Variants in XYLT1 observed in about 807,000 individuals in gnomAD.
The protein encoded by XYLT1 is xylosyltransferase 1.
In XYLT1, 36 loss-of-function variants were observed where a neutral mutation model predicts 91.3. That is an observed-to-expected ratio of 0.39 (90% CI 0.30 to 0.52). XYLT1 has a LOEUF of 0.52. Ranked by LOEUF, XYLT1 falls within the 20% of genes least tolerant of loss-of-function variation. XYLT1 has a pLI of 0.68. For missense variants in XYLT1, 1,242 were observed against 1,284.5 expected, an observed-to-expected ratio of 0.97 and a Z score of 0.51; for synonymous variants, 588 against 532.0, an observed-to-expected ratio of 1.11 and a Z score of -1.45.
intron 1 of XYLT1, among the ~76,000 whole-genome samples, chr16:17,439,010 T>A (rs768132233): frequency 3.0e-4 from 45 of 152,152 alleles, no homozygotes; most frequent in Admixed American, 6.5e-4. Context: ...CATTTATAAA[T>A]TAGATCTGAT....
chr16:17,318,583 G>A (rs1269352912), intron 2 of XYLT1, among the ~76,000 whole-genome samples: 1 of 152,202 alleles, frequency 6.6e-6, no homozygotes. Flanking sequence ...GCAACGTCAT[G>A]CAATCCTGGG....
intron 11 of XYLT1, among the ~76,000 whole-genome samples, chr16:17,116,190 G>A (rs1436284814): frequency 6.6e-6 from 1 of 152,114 alleles, no homozygotes; most frequent in Non-Finnish European, 1.5e-5. Flanking sequence ...TTAATAAAAG[G>A]AGGTGAAAAG....
chr16:17,451,070 CAG>C (rs1209485061), intron 1 of XYLT1, among the ~76,000 whole-genome samples: 1 of 152,194 alleles, frequency 6.6e-6, no homozygotes, highest in African/African-American at 2.4e-5. Flanking sequence ...GGTTGTTGGA[CAG>C]AGTGATTTTT....
intron 1 of XYLT1, among the ~76,000 whole-genome samples, chr16:17,429,361 A>G (rs1031260922): frequency 1.3e-5 from 2 of 152,230 alleles, no homozygotes; most frequent in African/African-American, 2.4e-5. Flanking sequence ...GACAGCAATA[A>G]AATCACTGGC....
At chr16:17,295,728 T>C (rs755230999) in intron 2 of XYLT1, among the ~76,000 whole-genome samples, 83 of 152,180 alleles carry the variant, frequency 5.5e-4, no homozygotes, top group Non-Finnish European at 2.6e-4. Context: ...GACATTTTTG[T>C]TGTCACACTT....
At chr16:17,243,654 C>T (rs1017036699) in intron 3 of XYLT1, among the ~76,000 whole-genome samples, 1 of 152,198 alleles carries the variant, frequency 6.6e-6, no homozygotes, top group Non-Finnish European at 1.5e-5. Context: ...CCGACCGACT[C>T]AAGCTTTCAC....
intron 3 of XYLT1, among the ~76,000 whole-genome samples, chr16:17,247,366 C>T (rs943340053): frequency 3.9e-5 from 6 of 152,136 alleles, no homozygotes; most frequent in Non-Finnish European, 1.5e-5. Context: ...GGCAAGAACT[C>T]ATGGAACGCC....
At chr16:17,368,775 G>A (rs1451299799) in intron 1 of XYLT1, among the ~76,000 whole-genome samples, 1 of 151,950 alleles carries the variant, frequency 6.6e-6, no homozygotes, top group Admixed American at 6.6e-5. Context: ...GTAGAGATGG[G>A]GTCTTCCTAT....
chr16:17,385,493 C>A (rs114164494), intron 1 of XYLT1, among the ~76,000 whole-genome samples: 1 of 151,858 alleles, frequency 6.6e-6, no homozygotes, highest in Non-Finnish European at 1.5e-5. Context: ...TGGCACCCAA[C>A]GAGCCCTTCC....
intron 1 of XYLT1, among the ~76,000 whole-genome samples, chr16:17,373,299 T>G (rs1265589327): frequency 1.3e-5 from 2 of 152,278 alleles, no homozygotes; most frequent in East Asian, 1.9e-4. Flanking sequence ...GCGTCTACAG[T>G]GCTCGGGCCA....
At chr16:17,164,065 A>AAAAAAAG in intron 5 of XYLT1, among the ~76,000 whole-genome samples, 1 of 146,448 alleles carries the variant, frequency 6.8e-6, no homozygotes, top group Non-Finnish European at 1.5e-5. Flanking sequence ...AAAAAAAAAA[A>AAAAAAAG]AAAAGAAAGA....
intron 3 of XYLT1, among the ~76,000 whole-genome samples, chr16:17,203,067 T>G (rs965299378): frequency 2.0e-5 from 3 of 152,210 alleles, no homozygotes; most frequent in African/African-American, 7.2e-5. Flanking sequence ...AAGGTCACAC[T>G]GCTTTAATTA....
intron 5 of XYLT1, among the ~76,000 whole-genome samples, chr16:17,168,215 G>C (rs763392603): frequency 6.6e-6 from 1 of 152,200 alleles, no homozygotes; most frequent in Non-Finnish European, 1.5e-5. Context: ...TGGTGAACTG[G>C]ATAAGGAAGA....
At chr16:17,161,677 G>GCGCTCTCTCT (rs1555484022) in intron 5 of XYLT1, among the ~76,000 whole-genome samples, 1 of 148,896 alleles carries the variant, frequency 6.7e-6, no homozygotes, top group Non-Finnish European at 1.5e-5. Flanking sequence ...TTTCTCGCGC[G>GCGCTCTCTCT]CTCTCTCTCT....
chr16:17,248,017 G>A (rs916963630), intron 3 of XYLT1, among the ~76,000 whole-genome samples: 2 of 152,088 alleles, frequency 1.3e-5, no homozygotes, highest in Non-Finnish European at 2.9e-5. Flanking sequence ...CCTTACCTTT[G>A]GGGCTGATAT....
chr16:17,422,841 A>G (rs143700156), intron 1 of XYLT1, among the ~76,000 whole-genome samples: 1 of 152,190 alleles, frequency 6.6e-6, no homozygotes, highest in African/African-American at 2.4e-5. Context: ...ATTGAAACAC[A>G]AGTTAGATCT....
At chr16:17,328,618 G>T (rs1040199470) in intron 2 of XYLT1, among the ~76,000 whole-genome samples, 2 of 136,004 alleles carry the variant, frequency 1.5e-5, no homozygotes, top group Non-Finnish European at 3.2e-5. Flanking sequence ...TGCAAGAGCA[G>T]AAAAAAAATT....
intron 1 of XYLT1, among the ~76,000 whole-genome samples, chr16:17,367,434 C>T (rs1353978010): frequency 6.6e-6 from 1 of 152,192 alleles, no homozygotes; most frequent in Non-Finnish European, 1.5e-5. Context: ...ATTAGCTTTT[C>T]CCAGGCACAG....
At chr16:17,295,464 T>G (rs1374233191) in intron 2 of XYLT1, among the ~76,000 whole-genome samples, 2 of 152,120 alleles carry the variant, frequency 1.3e-5, no homozygotes, top group African/African-American at 2.4e-5. Flanking sequence ...CAAGCAATTC[T>G]CCCACCTCAG....
Sources: allele counts gnomAD v4.1 joint callset (sites outside exome capture counted in the v4.1 genomes callset), GRCh38; gene constraint gnomAD v4.1.1; transcripts MANE v1.5; gene names NCBI Gene and HGNC (gene_info 2026-07-23, HGNC 2026-07-21).